Variants in PCDHA5 observed in about 807,000 individuals in gnomAD.
PCDHA5 encodes protocadherin alpha-5.
PCDHA5 carries 43 observed loss-of-function variants against 61.6 expected under a neutral mutation model. The ratio of observed to expected loss-of-function variants is 0.70; its 90% confidence interval spans 0.55 to 0.90. PCDHA5 has a LOEUF of 0.90. Ranked by LOEUF, PCDHA5 falls within the 40% of genes least tolerant of loss-of-function variation. The probability of loss-of-function intolerance (pLI) is 0.00; values close to 1 mark genes in which losing one functional copy is unlikely to be tolerated. For synonymous variants in PCDHA5, 627 were observed against 543.9 expected (o/e 1.15, Z -2.13); for missense variants, 1,298 against 1,222.7 (o/e 1.06, Z -0.92).
intron 1 of PCDHA5, among the ~76,000 whole-genome samples, chr5:140,915,632 CT>C (rs782761734): frequency 6.2e-5 from 9 of 144,496 alleles, no homozygotes; most frequent in Non-Finnish European, 1.3e-4. Context: ...TTCTGTCTCT[CT>C]CTCTCTCTCT....
chr5:140,908,430 C>T (rs543426512), intron 1 of PCDHA5, among the ~76,000 whole-genome samples: 56 of 152,262 alleles, frequency 3.7e-4, no homozygotes, highest in Admixed American at 7.2e-4. Flanking sequence ...TGCTGCTGTG[C>T]GCACCCCACT....
intron 1 of PCDHA5, chr5:140,883,837 G>A (rs1554180178): frequency 6.2e-7 from 1 of 1,612,730 alleles, no homozygotes; most frequent in East Asian, 2.2e-5. Context: ...TGCAGCCGTT[G>A]GACCACGAGG....
rs1458261257 is a variant in PCDHA5, at chr5:140,941,194, TCTTTCTTCCTTTCTTTCTTC to T, written c.2353-37747_2353-37728del. Among the ~76,000 whole-genome samples the T allele has an allele frequency of 1.9e-3, 217 of 112,428 alleles. 2 individuals carry two copies. Among genetic ancestry groups the T allele is most frequent in the African/African-American group, 6.9e-3 (195 of 28,326 alleles). 73.8% of individuals were successfully genotyped at this position (112,428 alleles called of 152,430 possible). A position where few individuals can be genotyped will look rare whatever the true frequency, so the allele number is the denominator to read the frequency against. On this transcript the variant is annotated intron_variant, in intron 1 of 3. Coordinates refer to ENST00000529859, the MANE Select transcript of PCDHA5 (RefSeq NM_018908.3). ...CTTGAACATCCTGCTTCTTTTTTTT[TCTTTCTTCCTTTCTTTCTTC>T]CTTTCTTTCTTTCTTTCTTTCTTTC...
At chr5:140,851,805 T>A (rs2042164036) in intron 1 of PCDHA5, 1 of 945,532 alleles carries the variant, frequency 1.1e-6, no homozygotes. Flanking sequence ...CTGTCAGTAA[T>A]CCATAAGACA....
chr5:140,997,077 G>T (rs1201538953), intron 3 of PCDHA5, among the ~76,000 whole-genome samples: 3 of 152,062 alleles, frequency 2.0e-5, no homozygotes, highest in Admixed American at 2.0e-4. Flanking sequence ...CAGGAAAGTT[G>T]AGTAGAAAGT....
intron 1 of PCDHA5, among the ~76,000 whole-genome samples, chr5:140,872,509 C>A (rs1554166234): frequency 6.6e-6 from 1 of 152,076 alleles, no homozygotes; most frequent in Non-Finnish European, 1.5e-5. Flanking sequence ...TGCCTGTAGT[C>A]CCAGTTTCTT....
At chr5:140,976,740 A>C (rs1425716353) in intron 1 of PCDHA5, among the ~76,000 whole-genome samples, 7 of 152,192 alleles carry the variant, frequency 4.6e-5, no homozygotes, top group African/African-American at 1.7e-4. Flanking sequence ...CACATTTTAA[A>C]AACCTCCCAG....
chr5:140,962,595 A>G (rs1307695991), intron 1 of PCDHA5, among the ~76,000 whole-genome samples: 1 of 152,192 alleles, frequency 6.6e-6, no homozygotes, highest in Non-Finnish European at 1.5e-5. Flanking sequence ...TTTGACTGAT[A>G]TATTTCTTCT....
At chr5:140,984,976 C>A (rs905264957) in intron 3 of PCDHA5, among the ~76,000 whole-genome samples, 8 of 151,910 alleles carry the variant, frequency 5.3e-5, no homozygotes, top group African/African-American at 1.9e-4. Flanking sequence ...CTCGCTCTGT[C>A]CCCCAGGCTG....
intron 1 of PCDHA5, chr5:140,927,894 C>A (rs372774238): frequency 1.2e-6 from 2 of 1,614,208 alleles, no homozygotes; most frequent in East Asian, 2.2e-5. Context: ...CTGACGTGAA[C>A]GATCATGCCC....
At chr5:140,865,232 A>T (rs577307618) in intron 1 of PCDHA5, 1 of 152,202 alleles carries the variant, frequency 6.6e-6, no homozygotes, top group Non-Finnish European at 1.5e-5. Context: ...ATCCCAGAGA[A>T]CACGTATTTA....
chr5:140,955,726 C>T (rs934215613), intron 1 of PCDHA5, among the ~76,000 whole-genome samples: 1 of 152,264 alleles, frequency 6.6e-6, no homozygotes, highest in East Asian at 1.9e-4. Context: ...ACCATTGAAT[C>T]TATAAATTAC....
At position 140,870,603 on chromosome 5, in the gene PCDHA5, C is replaced by T. The variant is rs782250124; in HGVS notation, c.2352+46476C>T. ...CGCTGGTGGAGCGGCGGTTGGGCGACCGCGCGCTGTCGAGCTACGTGTCGG... is the reference window on the plus strand; with the variant it reads ...CGCTGGTGGAGCGGCGGTTGGGCGATCGCGCGCTGTCGAGCTACGTGTCGG... On this transcript the variant is annotated intron_variant, in intron 1 of 3. Coordinates refer to ENST00000529859, the MANE Select transcript of PCDHA5 (RefSeq NM_018908.3). The T allele has an allele frequency of 4.3e-6, 7 of 1,613,340 alleles. No homozygotes were observed. The Admixed American group carries it at 1.2e-4, about 27-fold the overall frequency.
intron 3 of PCDHA5, among the ~76,000 whole-genome samples, chr5:141,004,794 G>A (rs1272334301): frequency 6.6e-6 from 1 of 152,144 alleles, no homozygotes; most frequent in Non-Finnish European, 1.5e-5. Context: ...GGCAGATTCT[G>A]GCTGAGCTCA....
At chr5:140,876,938 T>C in intron 1 of PCDHA5, 1 of 1,613,716 alleles carries the variant, frequency 6.2e-7, no homozygotes, top group East Asian at 2.2e-5. Context: ...AAGAACGCGC[T>C]GGTGTCCTAC....
At chr5:140,938,536 G>T (rs1443736475) in intron 1 of PCDHA5, among the ~76,000 whole-genome samples, 2 of 140,060 alleles carry the variant, frequency 1.4e-5, no homozygotes, top group Non-Finnish European at 3.2e-5. Context: ...TGGATAATAT[G>T]GATTTTTATC....
chr5:140,901,546 T>C (rs2068734079), intron 1 of PCDHA5, among the ~76,000 whole-genome samples: 1 of 152,212 alleles, frequency 6.6e-6, no homozygotes, highest in Non-Finnish European at 1.5e-5. Flanking sequence ...TCTATTCTGT[T>C]CCATTCATCT....
chr5:140,883,972 C>T (rs781784485), intron 1 of PCDHA5: 2 of 1,612,972 alleles, frequency 1.2e-6, no homozygotes, highest in Non-Finnish European at 8.5e-7. Context: ...TGCTGACGCC[C>T]GGGGCTGGCA....
intron 1 of PCDHA5, among the ~76,000 whole-genome samples, chr5:140,931,598 A>G (rs2087630191): frequency 6.6e-6 from 1 of 152,200 alleles, no homozygotes; most frequent in African/African-American, 2.4e-5. Context: ...GTCTTTTTCC[A>G]TCATTGTTGA....
Sources: allele counts gnomAD v4.1 joint callset (sites outside exome capture counted in the v4.1 genomes callset), GRCh38; gene constraint gnomAD v4.1.1; transcripts MANE v1.5; gene names NCBI Gene and HGNC (gene_info 2026-07-23, HGNC 2026-07-21).